NKAIN3: variants seen among roughly 807,000 people sequenced by gnomAD.
The protein encoded by NKAIN3 is sodium/potassium-transporting ATPase subunit beta-1-interacting protein 3.
Under a neutral mutation model 30.2 loss-of-function variants are expected in NKAIN3, and 25 were observed. That is an observed-to-expected ratio of 0.83 (90% CI 0.60 to 1.16). The LOEUF is 1.16. NKAIN3 is among the 50% of genes most tolerant of loss of function. The pLI, the probability that NKAIN3 is intolerant of heterozygous loss-of-function variation, is 0.00. For synonymous variants in NKAIN3, 91 were observed against 89.6 expected (o/e 1.02, Z -0.09); for missense variants, 225 against 254.1 (o/e 0.89, Z 0.78).
intron 3 of NKAIN3, among the ~76,000 whole-genome samples, chr8:62,742,090 A>T (rs1022754274): frequency 6.6e-6 from 1 of 151,330 alleles, no homozygotes; most frequent in African/African-American, 2.4e-5. Context: ...GATTAATAAG[A>T]AACTTGAAAC....
chr8:62,815,547 G>A (rs1818646890), intron 4 of NKAIN3, among the ~76,000 whole-genome samples: 1 of 152,160 alleles, frequency 6.6e-6, no homozygotes, highest in African/African-American at 2.4e-5. Context: ...TCATCCCTGG[G>A]ATGCAAGTCT....
intron 1 of NKAIN3, among the ~76,000 whole-genome samples, chr8:62,397,931 T>G (rs1431937655): frequency 3.9e-5 from 6 of 152,212 alleles, no homozygotes; most frequent in Non-Finnish European, 7.3e-5. Flanking sequence ...TGCCACCATC[T>G]ATGTTTGTGC....
chr8:62,781,536 G>C (rs1027159038), intron 4 of NKAIN3, among the ~76,000 whole-genome samples: 1 of 151,964 alleles, frequency 6.6e-6, no homozygotes, highest in Non-Finnish European at 1.5e-5. Flanking sequence ...ATATTATGAA[G>C]CTATACTAAC....
chr8:62,648,709 T>C (rs561754395), intron 3 of NKAIN3, among the ~76,000 whole-genome samples: 1 of 152,288 alleles, frequency 6.6e-6, no homozygotes, highest in Admixed American at 6.5e-5. Context: ...TTCTTGCCTC[T>C]CATTGATCAA....
intron 4 of NKAIN3, among the ~76,000 whole-genome samples, chr8:62,778,817 G>T (rs1432544083): frequency 6.6e-6 from 1 of 151,984 alleles, no homozygotes; most frequent in South Asian, 2.1e-4. Context: ...AATGTGCTGG[G>T]TCACACCTGA....
intron 4 of NKAIN3, among the ~76,000 whole-genome samples, chr8:62,764,093 C>T (rs879367441): frequency 3.4e-4 from 51 of 152,128 alleles, no homozygotes; most frequent in African/African-American, 7.2e-4. Context: ...ATGATTATGC[C>T]GACCTTAGCC....
In NKAIN3 at chr8:62,316,348, T is replaced by C. The variant is rs142422075; in HGVS notation, c.54+67221T>C. ...ACAAGGTGCAGGTTAGTTACATATA[T>C]ATACTTGTGCCATGTTGGTGTGCTG... On this transcript the variant is annotated intron_variant, in intron 1 of 6. Coordinates refer to ENST00000623646, the MANE Select transcript of NKAIN3 (RefSeq NM_001304533.3). Among the ~76,000 whole-genome samples, 1,352 of 152,208 alleles carry C rather than the reference T, an allele frequency of 8.9e-3. 30 individuals are homozygous for C. The highest frequency in any genetic ancestry group is 0.031 in the African/African-American group (1,277 of 41,508).
At chr8:62,664,273 C>G (rs1372982030) in intron 3 of NKAIN3, among the ~76,000 whole-genome samples, 1 of 152,006 alleles carries the variant, frequency 6.6e-6, no homozygotes, top group Non-Finnish European at 1.5e-5. Flanking sequence ...TTTTAATGAA[C>G]AAACTTCCCA....
rs368195515 is a variant in NKAIN3, at chr8:62,578,512, A to G, written c.55-1027A>G. On this transcript the variant is annotated intron_variant, in intron 1 of 6. Transcript: ENST00000623646. ...TTTTAGATCAGAGTCTTGAGCCCAGAGTAAGTAAATGAGTAAGCTTCGTTT... is the reference window on the plus strand; with the variant it reads ...TTTTAGATCAGAGTCTTGAGCCCAGGGTAAGTAAATGAGTAAGCTTCGTTT... Among the ~76,000 whole-genome samples, 31 of 152,222 alleles carry G rather than the reference A, an allele frequency of 2.0e-4. No homozygotes were observed. The South Asian group carries it at 6.2e-3, about 31-fold the overall frequency.
intron 1 of NKAIN3, among the ~76,000 whole-genome samples, chr8:62,407,981 G>T (rs895206042): frequency 6.6e-6 from 1 of 152,236 alleles, no homozygotes; most frequent in South Asian, 2.1e-4. Flanking sequence ...AGTTATGCTC[G>T]CACAGTTATC....
At chr8:62,815,423 A>G (rs1259221417) in intron 4 of NKAIN3, among the ~76,000 whole-genome samples, 1 of 152,184 alleles carries the variant, frequency 6.6e-6, no homozygotes. Context: ...ACCAAAAAAG[A>G]GAATTTTAGA....
chr8:62,423,384 A>G (rs1456114688), intron 1 of NKAIN3, among the ~76,000 whole-genome samples: 3 of 150,844 alleles, frequency 2.0e-5, no homozygotes, highest in Non-Finnish European at 3.0e-5. Flanking sequence ...CATGTGCCCT[A>G]TAAAATCTGT....
At position 62,869,500 on chromosome 8, in the gene NKAIN3, T is replaced by C. The variant is rs547190766; in HGVS notation, c.472-48953T>C. Reference sequence around the variant, plus strand: ...GAAATATTAGAAGAAAAGAAAATTGTTTTATGGAAATGTTTCTCCAATAGG... The same window carrying C: ...GAAATATTAGAAGAAAAGAAAATTGCTTTATGGAAATGTTTCTCCAATAGG... On this transcript the variant is annotated intron_variant, in intron 4 of 6. Coordinates refer to ENST00000623646, the MANE Select transcript of NKAIN3 (RefSeq NM_001304533.3). Among the ~76,000 whole-genome samples the C allele has an allele frequency of 2.6e-5, 4 of 152,342 alleles. No homozygotes were observed. In the East Asian group the frequency reaches 7.7e-4, roughly 29 times the overall value.
At chr8:62,770,933 G>A (rs1356287226) in intron 4 of NKAIN3, among the ~76,000 whole-genome samples, 1 of 151,900 alleles carries the variant, frequency 6.6e-6, no homozygotes, top group East Asian at 1.9e-4. Context: ...CCAGAGTTGA[G>A]ATATATTATC....
chr8:62,313,857 AT>A (rs1223632555), intron 1 of NKAIN3, among the ~76,000 whole-genome samples: 2 of 152,148 alleles, frequency 1.3e-5, no homozygotes, highest in Non-Finnish European at 2.9e-5. Context: ...TCATACATTT[AT>A]TTATTCATTC....
chr8:62,444,949 C>G (rs1358262605), intron 1 of NKAIN3, among the ~76,000 whole-genome samples: 1 of 151,778 alleles, frequency 6.6e-6, no homozygotes. Context: ...TTGCATTTTC[C>G]TTTTCTTCTT....
intron 1 of NKAIN3, among the ~76,000 whole-genome samples, chr8:62,339,189 A>G (rs1047530772): frequency 2.0e-5 from 3 of 152,020 alleles, no homozygotes; most frequent in Non-Finnish European, 2.9e-5. Context: ...CTGAAACCCC[A>G]GAATGAGTGA....
intron 3 of NKAIN3, among the ~76,000 whole-genome samples, chr8:62,625,521 T>C (rs1403965859): frequency 1.3e-5 from 2 of 152,128 alleles, no homozygotes; most frequent in Admixed American, 1.3e-4. Context: ...CTCCACTACT[T>C]ACCAAGTTTG....
At chr8:62,873,808 C>T (rs890137390) in intron 4 of NKAIN3, among the ~76,000 whole-genome samples, 6 of 151,874 alleles carry the variant, frequency 4.0e-5, no homozygotes, top group African/African-American at 1.4e-4. Flanking sequence ...GGCAATATAC[C>T]AGAATCTCTG....
Sources: gnomAD v4.1 joint callset for allele counts (sites outside exome capture counted in the v4.1 genomes callset) on GRCh38, gnomAD v4.1.1 for gene constraint, MANE v1.5 for transcripts, NCBI Gene and HGNC (gene_info 2026-07-23, HGNC 2026-07-21) for gene names.